The following CNBD1 variants were observed in gnomAD, a reference collection of about 807,000 sequenced individuals.
The protein encoded by CNBD1 is cyclic nucleotide-binding domain-containing protein 1.
A neutral mutation model predicts 54.4 loss-of-function variants in CNBD1; 71 were observed. The observed-to-expected ratio is 1.30, with a 90% CI of 1.08 to 1.59. The LOEUF is 1.59. CNBD1 is among the 40% of genes most tolerant of loss of function. CNBD1 has a pLI of 0.00. For synonymous variants in CNBD1, 182 were observed against 170.7 expected (o/e 1.07, Z -0.51); for missense variants, 659 against 518.0 (o/e 1.27, Z -2.64).
chr8:86,953,002 G>A (rs1807665795), intron 4 of CNBD1, among the ~76,000 whole-genome samples: 1 of 152,096 alleles, frequency 6.6e-6, no homozygotes, highest in Admixed American at 6.6e-5. Flanking sequence ...TTATTTTTTA[G>A]TCTAGCGTTT....
rs1563482920 is a variant in CNBD1, at chr8:87,137,118, A to ATTATATGTAAATTATATATATT, written c.432-68873_432-68872insATATGTAAATTATATATATTTT. Among the ~76,000 whole-genome samples, 13 of 126,222 alleles carry ATTATATGTAAATTATATATATT rather than the reference A, an allele frequency of 1.0e-4. 1 individual carries two copies. The highest frequency in any genetic ancestry group is 3.7e-4 in the African/African-American group (12 of 32,628). The allele number at this position is 126,222 out of a possible 152,430, so 82.8% of individuals were successfully genotyped here. On this transcript the variant is annotated intron_variant, in intron 4 of 10. Transcript: ENST00000518476. ...ATTATATGTAAATTATATATATTAT[A>ATTATATGTAAATTATATATATT]TTTTTATTATATATAAATTATATAT...
intron 6 of CNBD1, among the ~76,000 whole-genome samples, chr8:87,275,963 T>G (rs1233217891): frequency 6.6e-6 from 1 of 151,860 alleles, no homozygotes; most frequent in Non-Finnish European, 1.5e-5. Context: ...TGAACTCCCA[T>G]TCACAATTGC....
chr8:86,967,841 T>C (rs547768415), intron 4 of CNBD1, among the ~76,000 whole-genome samples: 47 of 152,074 alleles, frequency 3.1e-4, no homozygotes, highest in Non-Finnish European at 5.7e-4. Flanking sequence ...GTTGTTGTTG[T>C]TTTTGCCTGC....
intron 6 of CNBD1, among the ~76,000 whole-genome samples, chr8:87,269,592 C>T (rs1808324143): frequency 6.6e-6 from 1 of 152,052 alleles, no homozygotes; most frequent in South Asian, 2.1e-4. Context: ...TCTATGATTT[C>T]TTTCAGCAGT....
chr8:87,335,437 T>C (rs977216922), intron 8 of CNBD1, among the ~76,000 whole-genome samples: 3 of 152,188 alleles, frequency 2.0e-5, no homozygotes, highest in African/African-American at 4.8e-5. Context: ...CTTGTTGAAT[T>C]GATCCCTTTA....
chr8:87,253,199 C>T (rs940110966), intron 6 of CNBD1, among the ~76,000 whole-genome samples: 3 of 152,126 alleles, frequency 2.0e-5, no homozygotes, highest in Non-Finnish European at 4.4e-5. Context: ...CACTCCCCAC[C>T]CTTCTCTCCC....
At chr8:87,266,954 T>C (rs552597666) in intron 6 of CNBD1, among the ~76,000 whole-genome samples, 1 of 152,046 alleles carries the variant, frequency 6.6e-6, no homozygotes, top group Non-Finnish European at 1.5e-5. Context: ...CTTTTCTTCA[T>C]GGTATCATAA....
chr8:86,878,459 T>A (rs1222631694), intron 1 of CNBD1, among the ~76,000 whole-genome samples: 4 of 151,086 alleles, frequency 2.6e-5, no homozygotes, highest in Non-Finnish European at 3.0e-5. Context: ...TCGTTTAAAT[T>A]CCAAAGGTTC....
intron 8 of CNBD1, among the ~76,000 whole-genome samples, chr8:87,334,709 TTTCTTTTTTCTTTTC>T (rs1317852668): frequency 6.9e-6 from 1 of 144,896 alleles, no homozygotes; most frequent in African/African-American, 2.7e-5. Context: ...TTTCTTTTCT[TTTCTTTTTTCTTTTC>T]TTTTTTTTTT....
Position 87,260,807 on chromosome 8 carries a change from G to A in CNBD1, c.771+23695G>A, listed in dbSNP as rs139298190. Among the ~76,000 whole-genome samples the A allele has an allele frequency of 1.7e-3, 254 of 151,840 alleles. 1 individual carries two copies. Among genetic ancestry groups the A allele is most frequent in the Non-Finnish European group, 2.7e-3 (182 of 67,936 alleles). On this transcript the variant is annotated intron_variant, in intron 6 of 10. Transcript: ENST00000518476. Reference sequence around the variant, plus strand: ...TATAAGTTATCTTTAGTAAGATTTTGTCATTTCTGTAAGACTTTACTGCCT... The same window carrying A: ...TATAAGTTATCTTTAGTAAGATTTTATCATTTCTGTAAGACTTTACTGCCT...
intron 4 of CNBD1, among the ~76,000 whole-genome samples, chr8:87,035,501 A>C (rs1809907485): frequency 6.6e-6 from 1 of 152,252 alleles, no homozygotes; most frequent in South Asian, 2.1e-4. Flanking sequence ...TAAAGTATAC[A>C]TGTGCATAGC....
chr8:87,133,357 G>A (rs983223126), intron 4 of CNBD1, among the ~76,000 whole-genome samples: 2 of 152,122 alleles, frequency 1.3e-5, no homozygotes, highest in Non-Finnish European at 2.9e-5. Context: ...TCATTTGCCT[G>A]TGTTTCTAAA....
chr8:87,134,696 G>A (rs1812191133), intron 4 of CNBD1, among the ~76,000 whole-genome samples: 1 of 141,886 alleles, frequency 7.0e-6, no homozygotes. Flanking sequence ...TCCGCCTCCT[G>A]GGTTCACACC....
chr8:87,031,113 C>T (rs78047088), intron 4 of CNBD1, among the ~76,000 whole-genome samples: 6 of 150,944 alleles, frequency 4.0e-5, no homozygotes, highest in African/African-American at 1.5e-4. Flanking sequence ...AAATTAAACA[C>T]GACTTTTCAG....
At chr8:86,907,136 G>A (rs951277382) in intron 3 of CNBD1, among the ~76,000 whole-genome samples, 1 of 152,186 alleles carries the variant, frequency 6.6e-6, no homozygotes, top group African/African-American at 2.4e-5. Context: ...CACACATCAT[G>A]TAATAGGTCT....
intron 2 of CNBD1, among the ~76,000 whole-genome samples, chr8:87,411,101 A>G (rs1478823155): frequency 6.6e-6 from 1 of 152,000 alleles, no homozygotes; most frequent in Non-Finnish European, 1.5e-5. Context: ...GGTCTGGAAC[A>G]AAACCAGCAA....
intron 4 of CNBD1, among the ~76,000 whole-genome samples, chr8:87,149,749 G>GA (rs748373495): frequency 4.4e-4 from 67 of 151,710 alleles, no homozygotes; most frequent in Non-Finnish European, 8.1e-4. Flanking sequence ...AGTCAAACTA[G>GA]AAAAAAAATA....
rs535758727 is a variant in CNBD1, at chr8:87,343,882, A to C, written c.1043-7803A>C. ...AGATATTTACCTGATTTTTTTCCTA[A>C]GAAAATTTTGTACAATTAATGGTAT... On this transcript the variant is annotated intron_variant, in intron 8 of 10. Coordinates refer to ENST00000518476, the MANE Select transcript of CNBD1 (RefSeq NM_173538.3). Among the ~76,000 whole-genome samples the C allele has an allele frequency of 2.6e-5, 4 of 152,196 alleles. No homozygotes were observed. In the South Asian group the frequency reaches 8.3e-4, roughly 32 times the overall value.
chr8:87,374,937 CA>C (rs1215726522), intron 10 of CNBD1, among the ~76,000 whole-genome samples: 2 of 151,868 alleles, frequency 1.3e-5, no homozygotes. Context: ...CTGAGTCATA[CA>C]ACTGGCAAAA....
Sources: gnomAD v4.1 joint callset for allele counts (sites outside exome capture counted in the v4.1 genomes callset) on GRCh38, gnomAD v4.1.1 for gene constraint, MANE v1.5 for transcripts, NCBI Gene and HGNC (gene_info 2026-07-23, HGNC 2026-07-21) for gene names.